The following SNRK variants were observed in gnomAD, a reference collection of about 807,000 sequenced individuals.
SNRK encodes the protein SNF related kinase.
In SNRK, 3 loss-of-function variants were observed where a neutral mutation model predicts 48.2. The observed-to-expected ratio is 0.06, with a 90% CI of 0.03 to 0.16. SNRK has a LOEUF of 0.16. SNRK is among the 10% of genes least tolerant of loss of function. The pLI is 1.00. For missense variants in SNRK, 627 were observed against 976.0 expected (o/e 0.64, Z 4.76); for synonymous variants, 376 against 366.1 (o/e 1.03, Z -0.31).
At chr3:43,326,561 G>T (rs2091098223) in intron 3 of SNRK, among the ~76,000 whole-genome samples, 1 of 152,124 alleles carries the variant, frequency 6.6e-6, no homozygotes, top group Admixed American at 6.5e-5. Flanking sequence ...TTGTTAGGTA[G>T]CCCAGGTTTC....
At chr3:43,340,003 C>A (rs2091223287) in intron 4 of SNRK, among the ~76,000 whole-genome samples, 1 of 151,002 alleles carries the variant, frequency 6.6e-6, no homozygotes, top group Non-Finnish European at 1.5e-5. Flanking sequence ...TGTCACTAAG[C>A]CAGCAGTTAA....
intron 4 of SNRK, among the ~76,000 whole-genome samples, chr3:43,336,187 C>G (rs540502672): frequency 6.6e-6 from 1 of 150,504 alleles, no homozygotes; most frequent in Non-Finnish European, 1.5e-5. Context: ...CCCCTTCATT[C>G]TTTCTCTTTT....
intron 6 of SNRK, chr3:43,346,833 T>G (rs1275380890): frequency 6.6e-6 from 1 of 152,580 alleles, no homozygotes; most frequent in Admixed American, 6.5e-5. Context: ...GTGTTATAAC[T>G]TTTTTAAAAT....
chr3:43,348,204 C>T lies in SNRK; in HGVS notation c.1945C>T (p.Leu649Phe). 1 of 1,607,314 alleles carries T rather than the reference C, an allele frequency of 6.2e-7. No homozygotes were observed. The highest frequency in any genetic ancestry group is 8.5e-7 in the Non-Finnish European group (1 of 1,176,890). ...SAGELVESLKLMSLCLGSQLH... is the reference protein window; with the variant it reads ...SAGELVESLKFMSLCLGSQLH... ...TGGGGAGCTCGTTGAGAGCCTCAAA[C>T]TCATGAGCCTCTGCCTCGGCTCCCA... The change falls in exon 7 of 7, where the codon CTC becomes TTC. Residue 649 changes from leucine to phenylalanine, a missense_variant. Leu to Phe is a conservative substitution (Grantham distance 22). Coordinates refer to ENST00000296088, the MANE Select transcript of SNRK (RefSeq NM_017719.5).
At chr3:43,339,841 A>ATG in intron 4 of SNRK, among the ~76,000 whole-genome samples, 1 of 63,422 alleles carries the variant, frequency 1.6e-5, no homozygotes, top group Middle Eastern at 7.2e-3. Flanking sequence ...ATATATATAT[A>ATG]TATATATATA....
chr3:43,292,400 G>T (rs1180453575), intron 1 of SNRK, among the ~76,000 whole-genome samples: 1 of 152,168 alleles, frequency 6.6e-6, no homozygotes, highest in Non-Finnish European at 1.5e-5. Flanking sequence ...AGCTTTTCCT[G>T]TGCATTTTTT....
At chr3:43,294,967 C>T (rs2090841327) in intron 1 of SNRK, among the ~76,000 whole-genome samples, 1 of 151,940 alleles carries the variant, frequency 6.6e-6, no homozygotes, top group African/African-American at 2.4e-5. Flanking sequence ...TTCTATACAC[C>T]CAGCTTTTGT....
intron 1 of SNRK, among the ~76,000 whole-genome samples, chr3:43,290,305 C>T (rs958019087): frequency 1.2e-4 from 19 of 152,056 alleles, no homozygotes; most frequent in Admixed American, 7.2e-4. Context: ...GAAACCACAC[C>T]CTTTCTAATA....
At chr3:43,308,488 T>G (rs746755674) in intron 3 of SNRK, among the ~76,000 whole-genome samples, 31 of 152,330 alleles carry the variant, frequency 2.0e-4, no homozygotes, top group Admixed American at 7.2e-4. Context: ...CATTGACCAT[T>G]CAGAAAATCC....
intron 3 of SNRK, among the ~76,000 whole-genome samples, chr3:43,322,944 T>C (rs1575547818): frequency 4.4e-4 from 1 of 2,274 alleles, no homozygotes; most frequent in Admixed American, 0.011. Context: ...AGAGTAAGAC[T>C]CCGTCTCAAA....
chr3:43,310,110 T>A (rs567635594), intron 3 of SNRK, among the ~76,000 whole-genome samples: 2 of 152,336 alleles, frequency 1.3e-5, no homozygotes, highest in African/African-American at 4.8e-5. Context: ...ACAGTATCGC[T>A]GAGGTATGCC....
chr3:43,330,792 G>A (rs530480227), intron 3 of SNRK, among the ~76,000 whole-genome samples: 1 of 152,310 alleles, frequency 6.6e-6, no homozygotes, highest in South Asian at 2.1e-4. Flanking sequence ...GGAGACTGCA[G>A]AGCCAAGGGT....
rs368832844 is a variant in SNRK, at chr3:43,343,437, G to A, written c.1038G>A (p.Gln346=). The A allele has an allele frequency of 1.1e-5, 17 of 1,613,756 alleles. No homozygotes were observed. The highest frequency in any genetic ancestry group is 1.4e-5 in the Non-Finnish European group (16 of 1,179,966). The change falls in exon 6 of 7, where the codon CAG becomes CAA. Residue 346 remains glutamine, a synonymous_variant. Transcript: ENST00000296088. ...ILREKQEKEI[Q]TRSASPSNIK... ...GAGAAAAGCAAGAGAAAGAAATACA[G>A]ACCAGATCTGCAAGCCCGAGCAATA...
intron 4 of SNRK, 74 bp from the exon 5 acceptor site, chr3:43,340,213 G>T: frequency 1.7e-6 from 2 of 1,153,418 alleles, no homozygotes; most frequent in Non-Finnish European, 2.6e-6. Context: ...AATCATTTTT[G>T]TTAATAAAAT....
In SNRK at chr3:43,287,203, A is replaced by T. The variant is rs150311589; in HGVS notation, c.-169+528A>T. Among the ~76,000 whole-genome samples, 121 of 152,278 alleles carry T rather than the reference A, an allele frequency of 7.9e-4. 1 individual carries two copies. Among genetic ancestry groups the T allele is most frequent in the African/African-American group, 2.8e-3 (116 of 41,582 alleles). ...TAGAGTGGGGATGTTGTCTGTAGAG[A>T]AAGGGCAAAGGGGTAAGGAAAGAGG... On this transcript the variant is annotated intron_variant, in intron 1 of 6. Coordinates refer to ENST00000296088, the MANE Select transcript of SNRK (RefSeq NM_017719.5).
At chr3:43,343,587 A>G (rs942208550) in intron 6 of SNRK, 109 bp downstream of exon 6, 18 of 1,218,676 alleles carry the variant, frequency 1.5e-5, no homozygotes, top group Non-Finnish European at 2.1e-5. Context: ...GAGTACAAAC[A>G]GTGATGACGG....
chr3:43,330,896 A>T (rs937959817), intron 3 of SNRK, among the ~76,000 whole-genome samples: 33 of 152,316 alleles, frequency 2.2e-4, no homozygotes, highest in Admixed American at 3.9e-4. Flanking sequence ...AGTTTCCATC[A>T]GAGTATCCTT....
intron 4 of SNRK, among the ~76,000 whole-genome samples, chr3:43,338,825 A>G (rs1294230615): frequency 1.3e-5 from 2 of 152,094 alleles, no homozygotes; most frequent in Admixed American, 6.5e-5. Flanking sequence ...TCAACTGCCT[A>G]GTAATTTTAT....
intron 3 of SNRK, among the ~76,000 whole-genome samples, chr3:43,322,208 GAATT>G (rs1284167156): frequency 3.6e-4 from 55 of 152,312 alleles, no homozygotes; most frequent in Middle Eastern, 3.4e-3. Flanking sequence ...ATAAGAGGAA[GAATT>G]AATTAATTGA....
Sources: gnomAD v4.1 joint callset for allele counts (sites outside exome capture counted in the v4.1 genomes callset) on GRCh38, gnomAD v4.1.1 for gene constraint, MANE v1.5 for transcripts, NCBI Gene and HGNC (gene_info 2026-07-23, HGNC 2026-07-21) for gene names.